FAM227B: variants seen among roughly 807,000 people sequenced by gnomAD.
FAM227B encodes the protein protein FAM227B.
In FAM227B, 88 loss-of-function variants were observed where a neutral mutation model predicts 73.8. That is an observed-to-expected ratio of 1.19 (90% confidence interval 1.00 to 1.42). The LOEUF is 1.42. Ranked by LOEUF, FAM227B falls within the 40% of genes most tolerant of loss-of-function variation. The pLI, the probability that FAM227B is intolerant of heterozygous loss-of-function variation, is 0.00. For missense variants in FAM227B, 632 were observed against 590.9 expected (o/e 1.07, Z -0.72); for synonymous variants, 210 against 190.5 (o/e 1.10, Z -0.84).
intron 3 of FAM227B, among the ~76,000 whole-genome samples, chr15:49,598,517 T>G (rs1342435993): frequency 6.6e-6 from 1 of 152,028 alleles, no homozygotes; most frequent in Non-Finnish European, 1.5e-5. Flanking sequence ...GGAATCCTTG[T>G]GTTGTTTCTG....
At chr15:49,448,778 G>A (rs1038955154) in intron 11 of FAM227B, among the ~76,000 whole-genome samples, 2 of 151,672 alleles carry the variant, frequency 1.3e-5, no homozygotes, top group Non-Finnish European at 2.9e-5. Flanking sequence ...CAAATACCCA[G>A]TAGTCTAAGC....
At chr15:49,542,854 T>C (rs1230153418) in intron 9 of FAM227B, among the ~76,000 whole-genome samples, 2 of 151,974 alleles carry the variant, frequency 1.3e-5, no homozygotes, top group East Asian at 3.8e-4. Flanking sequence ...TTTCTTTTTA[T>C]AAACATTTCT....
At chr15:49,430,978 C>CT (rs1428176632) in intron 11 of FAM227B, among the ~76,000 whole-genome samples, 1 of 149,574 alleles carries the variant, frequency 6.7e-6, no homozygotes, top group Admixed American at 6.7e-5. Context: ...TAGGGCAAAG[C>CT]TTTTTTTATT....
In FAM227B at chr15:49,489,929, G is replaced by GAC. The variant is rs1567384346; in HGVS notation, c.1012+18281_1012+18282insGT. On this transcript the variant is annotated intron_variant, in intron 11 of 15. Transcript: ENST00000299338. ...AGAGAGAGAGACAGAGAGAGAGACA[G>GAC]AGAGAGAGAGAGAGAGACACCTAGG... 2.8e-3 allele frequency among the ~76,000 whole-genome samples: 11 copies of GAC among 3,950 alleles called. 2 individuals are homozygous for GAC. Among genetic ancestry groups the GAC allele is most frequent in the South Asian group, 0.024 (3 of 126 alleles). The allele number at this position is 3,950 out of a possible 152,430, so 2.6% of individuals were successfully genotyped here. A position where few individuals can be genotyped will look rare whatever the true frequency, so the allele number is the denominator to read the frequency against.
intron 11 of FAM227B, among the ~76,000 whole-genome samples, chr15:49,500,307 A>G (rs373498421): frequency 2.0e-3 from 301 of 152,382 alleles, no homozygotes; most frequent in Non-Finnish European, 3.5e-3. Flanking sequence ...AGATATTTGA[A>G]CAGACACTTC....
intron 11 of FAM227B, chr15:49,487,289 A>G (rs970500044): frequency 1.3e-5 from 2 of 151,930 alleles, no homozygotes; most frequent in African/African-American, 2.4e-5. Context: ...ATGTTCTTTG[A>G]AAGATAAAAT....
chr15:49,516,231 A>G (rs2059368627), intron 10 of FAM227B, among the ~76,000 whole-genome samples: 1 of 152,008 alleles, frequency 6.6e-6, no homozygotes, highest in Admixed American at 6.6e-5. Flanking sequence ...CATTCTCAGG[A>G]TTGTCACACT....
At chr15:49,385,689 C>A (rs1407918559) in intron 11 of FAM227B, among the ~76,000 whole-genome samples, 1 of 150,738 alleles carries the variant, frequency 6.6e-6, no homozygotes, top group African/African-American at 2.4e-5. Context: ...CTAAATACTC[C>A]ACTTAAAAGA....
chr15:49,441,321 G>A (rs916105696), intron 11 of FAM227B, among the ~76,000 whole-genome samples: 10 of 151,746 alleles, frequency 6.6e-5, no homozygotes, highest in African/African-American at 2.4e-4. Context: ...AGGCTCATTA[G>A]GGGATACAAT....
At chr15:49,618,991 T>C (rs866677357) in intron 1 of FAM227B, among the ~76,000 whole-genome samples, 39 of 152,198 alleles carry the variant, frequency 2.6e-4, no homozygotes, top group South Asian at 2.1e-4. Flanking sequence ...GCCAACAGAA[T>C]GTGGCCAAAT....
intron 11 of FAM227B, among the ~76,000 whole-genome samples, chr15:49,393,128 T>A (rs1248995286): frequency 6.6e-6 from 1 of 152,232 alleles, no homozygotes; most frequent in Non-Finnish European, 1.5e-5. Flanking sequence ...ATCAAAGTGA[T>A]AACAAAATTT....
At chr15:49,429,595 G>A (rs1442710411) in intron 11 of FAM227B, among the ~76,000 whole-genome samples, 1 of 151,862 alleles carries the variant, frequency 6.6e-6, no homozygotes, top group Non-Finnish European at 1.5e-5. Flanking sequence ...TAGATATATT[G>A]AAAGGGTTGC....
rs1340629880 is a variant in FAM227B at position 49,366,804 on chromosome 15, T to G, written c.1271+644A>C. ...GGCCGGGCTAGGCTGGGATCGCCGC[T>G]GCTGCAGGGGCCGCCACTGCAGCCC... On this transcript the variant is annotated intron_variant, in intron 13 of 15. Coordinates refer to ENST00000299338, the MANE Select transcript of FAM227B (RefSeq NM_152647.3). The G allele has an allele frequency of 8.9e-6, 5 of 563,318 alleles. No homozygotes were observed. The East Asian group carries it at 1.6e-4, about 18-fold the overall frequency. The allele number at this position is 563,318 out of a possible 1,614,324, so 34.9% of individuals were successfully genotyped here.
chr15:49,550,163 T>TC (rs556212552), intron 9 of FAM227B, among the ~76,000 whole-genome samples: 3,092 of 73,816 alleles, frequency 0.042, 217 homozygotes, highest in East Asian at 0.22. Context: ...AGGGGGCTGA[T>TC]CCCCCCACCT....
intron 11 of FAM227B, among the ~76,000 whole-genome samples, chr15:49,431,209 C>T (rs1473583066): frequency 1.3e-5 from 2 of 151,714 alleles, no homozygotes; most frequent in African/African-American, 4.8e-5. Flanking sequence ...AACATTTTTA[C>T]CCCTCAAATA....
At chr15:49,591,173 T>C (rs2076533251) in intron 3 of FAM227B, among the ~76,000 whole-genome samples, 1 of 150,546 alleles carries the variant, frequency 6.6e-6, no homozygotes, top group South Asian at 2.1e-4. Context: ...GCCTCCTGAG[T>C]AGTTGGGACT....
intron 11 of FAM227B, among the ~76,000 whole-genome samples, chr15:49,385,216 C>G (rs1457006945): frequency 6.6e-6 from 1 of 151,888 alleles, no homozygotes; most frequent in Non-Finnish European, 1.5e-5. Flanking sequence ...AAAGTACATT[C>G]ATGTAACCTT....
At chr15:49,598,700 T>G (rs1332812586) in intron 3 of FAM227B, among the ~76,000 whole-genome samples, 1 of 152,086 alleles carries the variant, frequency 6.6e-6, no homozygotes. Flanking sequence ...CTTCATCTGT[T>G]GAGCTGATAA....
chr15:49,534,828 C>T (rs973537657), intron 10 of FAM227B, among the ~76,000 whole-genome samples: 2 of 151,156 alleles, frequency 1.3e-5, no homozygotes, highest in African/African-American at 4.8e-5. Flanking sequence ...ATCTGGAAAT[C>T]AATGTAATCC....
Sources: gnomAD v4.1 joint callset for allele counts (sites outside exome capture counted in the v4.1 genomes callset) on GRCh38, gnomAD v4.1.1 for gene constraint, MANE v1.5 for transcripts, NCBI Gene and HGNC (gene_info 2026-07-23, HGNC 2026-07-21) for gene names.